AMZ1: variants seen among roughly 807,000 people sequenced by gnomAD.
The protein encoded by AMZ1 is archaemetzincin-1.
AMZ1 carries 39 observed loss-of-function variants against 29.9 expected under a neutral mutation model. The ratio of observed to expected loss-of-function variants is 1.30; its 90% CI spans 1.01 to 1.70. The LOEUF is 1.70. Among genes scored for constraint, AMZ1 ranks in the 40% most tolerant of loss-of-function variants. The pLI, the probability that AMZ1 is intolerant of heterozygous loss-of-function variation, is 0.00. For synonymous variants in AMZ1, 458 were observed against 304.0 expected (o/e 1.51, Z -5.27); for missense variants, 1,041 against 680.6 (o/e 1.53, Z -5.89).
intron 4 of AMZ1, among the ~76,000 whole-genome samples, chr7:2,744,207 C>T (rs193149254): frequency 9.2e-5 from 14 of 152,336 alleles, no homozygotes; most frequent in African/African-American, 1.4e-4. Flanking sequence ...GATCTGAGAA[C>T]GGGCAGACTG....
intron 1 of AMZ1, among the ~76,000 whole-genome samples, chr7:2,692,114 T>A (rs1371825535): frequency 6.6e-6 from 1 of 152,172 alleles, no homozygotes; most frequent in African/African-American, 2.4e-5. Context: ...AATAAGCTGG[T>A]GAGTCTCCTG....
At chr7:2,750,689 G>A (rs1790989623) in intron 4 of AMZ1, among the ~76,000 whole-genome samples, 1 of 152,202 alleles carries the variant, frequency 6.6e-6, no homozygotes, top group Admixed American at 6.5e-5. Flanking sequence ...GTGAAGCCAC[G>A]GACACGGGGG....
chr7:2,713,065 C>A lies in AMZ1; in HGVS notation c.*187C>A. ...CCAGACTGGGCAACATGGTGAGACT[C>A]TGCCTCTACAAAAGAAAAATTAAAA... On this transcript the variant is annotated 3_prime_UTR_variant, in exon 7 of 7. Transcript: ENST00000683327. 1.8e-6 allele frequency: 1 copy of A among 543,956 alleles called. No homozygotes were observed. The highest frequency in any genetic ancestry group is 2.9e-6 in the Non-Finnish European group (1 of 341,000). The allele number at this position is 543,956 out of a possible 1,614,324, so 33.7% of individuals were successfully genotyped here. A position where few individuals can be genotyped will look rare whatever the true frequency, so the allele number is the denominator to read the frequency against.
At chr7:2,720,705 A>T (rs913368414), downstream of AMZ1, among the ~76,000 whole-genome samples, 245 of 148,886 alleles carry the variant, frequency 1.6e-3, 2 homozygotes, top group African/African-American at 4.7e-3. Context: ...CCAGCCTTTA[A>T]AAAAAAAAAA....
At chr7:2,727,174 C>G (rs557942497) in intron 4 of AMZ1, among the ~76,000 whole-genome samples, 1 of 152,206 alleles carries the variant, frequency 6.6e-6, no homozygotes, top group South Asian at 2.1e-4. Flanking sequence ...CTCTGCCTAC[C>G]GGGTTCAAGC....
chr7:2,743,096 C>G (rs1409107892), intron 4 of AMZ1, among the ~76,000 whole-genome samples: 1 of 152,168 alleles, frequency 6.6e-6, no homozygotes, highest in Non-Finnish European at 1.5e-5. Flanking sequence ...AAGGTGGGAA[C>G]ACTCCAAAAA....
At chr7:2,745,782 G>A (rs1226822986) in intron 4 of AMZ1, among the ~76,000 whole-genome samples, 11 of 152,082 alleles carry the variant, frequency 7.2e-5, no homozygotes, top group Non-Finnish European at 1.3e-4. Flanking sequence ...CCCATCTCAC[G>A]TGCAGAGACA....
chr7:2,712,678 G>A lies in AMZ1; in HGVS notation c.1297G>A (p.Ala433Thr). ...AEEDLVQVDRAVDALDRWEMF... is the reference protein window; with the variant it reads ...AEEDLVQVDRTVDALDRWEMF... ...GGAGGACCTGGTGCAGGTGGACAGA[G>A]CCGTGGACGCCCTCGACCGCTGGGA... The change falls in exon 7 of 7, where the codon GCC (alanine) becomes ACC (threonine). Residue 433 changes from alanine to threonine, a missense_variant. Transcript: ENST00000683327. 2.5e-6 allele frequency: 4 copies of A among 1,612,900 alleles called. No homozygotes were observed. Among genetic ancestry groups the A allele is most frequent in the Non-Finnish European group, 3.4e-6 (4 of 1,179,872 alleles).
Position 2,700,690 on chromosome 7 carries a change from T to TCCACGCCTC in AMZ1, c.242_250dup (p.His81_Ser83dup). Reference sequence around the variant, plus strand: ...GAGGCTCCCGAGGACTTCCAGACCTTCCACGCCTCCCTGCAGCACCGGAAG... The same window carrying TCCACGCCTC: ...GAGGCTCCCGAGGACTTCCAGACCTTCCACGCCTCCCACGCCTCCCTGCAGCACCGGAAG... On this transcript the variant is annotated inframe_insertion, in exon 2 of 7. Transcript: ENST00000683327. 6.2e-7 allele frequency: 1 copy of TCCACGCCTC among 1,612,998 alleles called. No individual in the cohort carries two copies.
downstream of AMZ1, among the ~76,000 whole-genome samples, chr7:2,722,146 C>T (rs1487059790): frequency 6.6e-6 from 1 of 152,248 alleles, no homozygotes; most frequent in South Asian, 2.1e-4. Flanking sequence ...GGCCTGAGCA[C>T]AGGAAAGGGA....
At position 2,713,700 on chromosome 7, in the gene AMZ1, C is replaced by T. The variant is rs1255005742; in HGVS notation, c.*822C>T. 2 of 152,536 alleles carry T rather than the reference C, an allele frequency of 1.3e-5. No homozygotes were observed. Among genetic ancestry groups the T allele is most frequent in the Non-Finnish European group, 2.9e-5 (2 of 68,182 alleles). 9.4% of individuals were successfully genotyped at this position (152,536 alleles called of 1,614,324 possible). On this transcript the variant is annotated 3_prime_UTR_variant, in exon 7 of 7. Coordinates refer to ENST00000683327, the MANE Select transcript of AMZ1 (RefSeq NM_001384743.1). Reference sequence around the variant, plus strand: ...AGCATCCTGATCCTGACGGACTTCACCGGGGCTCTCCAGGCATCTCTTCTG... The same window carrying T: ...AGCATCCTGATCCTGACGGACTTCATCGGGGCTCTCCAGGCATCTCTTCTG...
At chr7:2,721,779 G>C (rs1362090379), downstream of AMZ1, among the ~76,000 whole-genome samples, 1 of 151,630 alleles carries the variant, frequency 6.6e-6, no homozygotes, top group East Asian at 1.9e-4. Context: ...CTTCTCAGCA[G>C]TGGCGGGGGA....
At chr7:2,749,841 A>G (rs1054004838) in intron 4 of AMZ1, among the ~76,000 whole-genome samples, 3 of 152,154 alleles carry the variant, frequency 2.0e-5, no homozygotes, top group African/African-American at 7.2e-5. Context: ...TTAGATTAAT[A>G]GAGATGACCC....
intron 6 of AMZ1, among the ~76,000 whole-genome samples, chr7:2,711,224 G>A (rs1046332748): frequency 6.6e-6 from 1 of 152,188 alleles, no homozygotes; most frequent in African/African-American, 2.4e-5. Context: ...TTGTAGGGAG[G>A]GCAGTGGTGT....
upstream of AMZ1, among the ~76,000 whole-genome samples, chr7:2,763,548 C>T (rs1791675726): frequency 3.3e-5 from 5 of 152,232 alleles, no homozygotes; most frequent in Admixed American, 3.3e-4. Flanking sequence ...TGTCTCAATT[C>T]TCAATGGTCC....
At chr7:2,708,742 CGTGGGGGGTAGCCTGGCATGGGGCT>C (rs1562371518) in intron 4 of AMZ1, 26 bp downstream of exon 4, 1 of 1,611,370 alleles carries the variant, frequency 6.2e-7, no homozygotes, top group Middle Eastern at 1.9e-4. Context: ...AGCAGCTGTG[CGTGGGGGGTAGCCTGGCATGGGGCT>C]GTGGCCTCCG....
intron 3 of AMZ1, among the ~76,000 whole-genome samples, chr7:2,706,688 C>T (rs1156537824): frequency 6.6e-6 from 1 of 152,256 alleles, no homozygotes; most frequent in Non-Finnish European, 1.5e-5. Context: ...ACTCCAGTCA[C>T]TGGGTCTCCT....
At chr7:2,682,637 C>T (rs865837074) in intron 1 of AMZ1, among the ~76,000 whole-genome samples, 3 of 152,170 alleles carry the variant, frequency 2.0e-5, no homozygotes, top group African/African-American at 7.2e-5. Flanking sequence ...ACGTCACCTA[C>T]TGCACCCAGG....
At chr7:2,707,398 C>T (rs1788423200) in intron 3 of AMZ1, among the ~76,000 whole-genome samples, 1 of 151,938 alleles carries the variant, frequency 6.6e-6, no homozygotes, top group South Asian at 2.1e-4. Context: ...AACCCCTCTT[C>T]TCTACACTAA....
Sources: allele counts gnomAD v4.1 joint callset (sites outside exome capture counted in the v4.1 genomes callset), GRCh38; gene constraint gnomAD v4.1.1; transcripts MANE v1.5; gene names NCBI Gene and HGNC (gene_info 2026-07-23, HGNC 2026-07-21).